ERG: variants seen among roughly 807,000 people sequenced by gnomAD.
ERG encodes the protein ETS transcription factor ERG.
ERG carries 9 observed loss-of-function variants against 55.3 expected under a neutral mutation model. That is an observed-to-expected ratio of 0.16 (90% CI 0.10 to 0.28). The LOEUF is 0.28. Among genes scored for constraint, ERG ranks in the 10% least tolerant of loss-of-function variants. ERG has a pLI of 1.00. For missense variants in ERG, 434 were observed against 631.6 expected (o/e 0.69, Z 3.35); for synonymous variants, 223 against 237.3 (o/e 0.94, Z 0.55).
chr21:38,375,811 G>T (rs1987225612), downstream of ERG, among the ~76,000 whole-genome samples: 1 of 152,112 alleles, frequency 6.6e-6, no homozygotes, highest in Admixed American at 6.5e-5. Flanking sequence ...GGCATCTCTG[G>T]TCTGTTGTGG....
chr21:38,596,462 T>C (rs1426053236), intron 1 of ERG, among the ~76,000 whole-genome samples: 1 of 152,138 alleles, frequency 6.6e-6, no homozygotes, highest in Non-Finnish European at 1.5e-5. Context: ...CTGTGAGTCA[T>C]CTCCACCACA....
intron 2 of ERG, among the ~76,000 whole-genome samples, chr21:38,545,959 C>G (rs2146805838): frequency 6.6e-6 from 1 of 152,352 alleles, no homozygotes; most frequent in East Asian, 1.9e-4. Flanking sequence ...GGGTCCAACT[C>G]CATCCTTCTC....
intron 1 of ERG, among the ~76,000 whole-genome samples, chr21:38,626,330 C>T (rs2060324642): frequency 6.6e-6 from 1 of 152,188 alleles, no homozygotes; most frequent in Non-Finnish European, 1.5e-5. Context: ...TGAGTGTAAT[C>T]CATAGACCAG....
intron 7 of ERG, 168 bp downstream of exon 7, chr21:38,392,208 A>C (rs1988003807): frequency 4.2e-6 from 3 of 713,502 alleles, no homozygotes; most frequent in Non-Finnish European, 7.6e-6. Flanking sequence ...ACCCAAATGG[A>C]GAAAGAATCA....
chr21:38,604,437 T>C (rs2060184815), intron 1 of ERG, among the ~76,000 whole-genome samples: 1 of 152,134 alleles, frequency 6.6e-6, no homozygotes, highest in East Asian at 1.9e-4. Context: ...AAATGTAAAA[T>C]GAAGATAGTT....
chr21:38,631,259 G>A (rs976863308), intron 1 of ERG, among the ~76,000 whole-genome samples: 2 of 152,234 alleles, frequency 1.3e-5, no homozygotes, highest in Admixed American at 1.3e-4. Context: ...TTCCCATTAA[G>A]GTTGTCTTGG....
At chr21:38,412,418 G>C (rs903311048) in intron 3 of ERG, among the ~76,000 whole-genome samples, 1 of 151,912 alleles carries the variant, frequency 6.6e-6, no homozygotes, top group Non-Finnish European at 1.5e-5. Context: ...GCTTATACTT[G>C]AATCATCCAT....
At position 38,382,688 on chromosome 21, in the gene ERG, C is replaced by T. The variant is rs1199082678; in HGVS notation, c.*715G>A. 1 of 1,067,116 alleles carries T rather than the reference C, an allele frequency of 9.4e-7. No individual in the cohort carries two copies. The highest frequency in any genetic ancestry group is 1.1e-6 in the Non-Finnish European group (1 of 880,174). 66.1% of individuals were successfully genotyped at this position (1,067,116 alleles called of 1,614,324 possible). The stretch of plus-strand genomic sequence containing the variant: ...TGGTCTCCTCCTTCTCTGCCTCTTC[C>T]TCCTCCTTCTTCACCCCTCTGTCTA... On this transcript the variant is annotated 3_prime_UTR_variant, in exon 10 of 10. Coordinates refer to ENST00000288319, the MANE Select transcript of ERG (RefSeq NM_182918.4).
chr21:38,471,418 T>C (rs1043076910), intron 1 of ERG: 8 of 152,206 alleles, frequency 5.3e-5, no homozygotes, highest in Admixed American at 1.3e-4. Flanking sequence ...AACCTTCTGT[T>C]GAGAAGAGCA....
intron 2 of ERG, among the ~76,000 whole-genome samples, chr21:38,553,210 C>T (rs2059835930): frequency 6.6e-6 from 1 of 152,122 alleles, no homozygotes; most frequent in Non-Finnish European, 1.5e-5. Flanking sequence ...AATGGAAAAA[C>T]ATTCCATGCC....
At position 38,515,173 on chromosome 21, in the gene ERG, G is replaced by C. The variant is rs146892762; in HGVS notation, c.-41+60489C>G. Reference sequence around the variant, plus strand: ...CAAATTGATCAATAGATTCAATGCAGATGCATTCAATATTTCAACAAAGTT... The same window carrying C: ...CAAATTGATCAATAGATTCAATGCACATGCATTCAATATTTCAACAAAGTT... On this transcript the variant is annotated intron_variant, in intron 2 of 8. Transcript: ENST00000398897. 7.4e-3 allele frequency among the ~76,000 whole-genome samples: 1,126 copies of C among 152,050 alleles called. 7 individuals are homozygous for C. Among genetic ancestry groups the C allele is most frequent in the Middle Eastern group, 0.02 (6 of 294 alleles).
At chr21:38,481,601 A>T (rs1182551764) in intron 1 of ERG, among the ~76,000 whole-genome samples, 3 of 152,228 alleles carry the variant, frequency 2.0e-5, no homozygotes, top group Non-Finnish European at 2.9e-5. Flanking sequence ...AATCTTTATT[A>T]TAAAGCAGAT....
intron 1 of ERG, among the ~76,000 whole-genome samples, chr21:38,488,503 T>C (rs1467565484): frequency 6.6e-6 from 1 of 152,060 alleles, no homozygotes; most frequent in Non-Finnish European, 1.5e-5. Flanking sequence ...TAATTGATGA[T>C]GCCCTATTGT....
chr21:38,419,832 T>C (rs943061753), intron 3 of ERG, among the ~76,000 whole-genome samples: 1 of 152,068 alleles, frequency 6.6e-6, no homozygotes, highest in Non-Finnish European at 1.5e-5. Flanking sequence ...GTTGAGGGAA[T>C]CGCTTCTCAA....
intron 2 of ERG, among the ~76,000 whole-genome samples, chr21:38,437,718 T>G (rs531575173): frequency 6.6e-5 from 10 of 152,290 alleles, no homozygotes; most frequent in Admixed American, 1.3e-4. Flanking sequence ...CTTTTCCTCA[T>G]GCCATATGTC....
chr21:38,404,783 T>C (rs1294781209), intron 3 of ERG, among the ~76,000 whole-genome samples: 1 of 152,228 alleles, frequency 6.6e-6, no homozygotes, highest in Non-Finnish European at 1.5e-5. Flanking sequence ...TCCAGTCCTC[T>C]TGAATGAAAG....
At chr21:38,504,207 T>C (rs2059443307) in intron 2 of ERG, among the ~76,000 whole-genome samples, 1 of 152,218 alleles carries the variant, frequency 6.6e-6, no homozygotes, top group African/African-American at 2.4e-5. Context: ...ACATACCAAA[T>C]CCTCAACTTC....
chr21:38,631,924 C>A (rs1392664425), intron 1 of ERG, among the ~76,000 whole-genome samples: 1 of 152,032 alleles, frequency 6.6e-6, no homozygotes, highest in Non-Finnish European at 1.5e-5. Flanking sequence ...CTGCTTGAAT[C>A]ATCACTCCAT....
At chr21:38,538,826 A>G (rs371760422) in intron 2 of ERG, among the ~76,000 whole-genome samples, 5 of 152,204 alleles carry the variant, frequency 3.3e-5, no homozygotes, top group East Asian at 1.9e-4. Context: ...ATGACCACCA[A>G]GAGAGCTACT....
Sources: gnomAD v4.1 joint callset for allele counts (sites outside exome capture counted in the v4.1 genomes callset) on GRCh38, gnomAD v4.1.1 for gene constraint, MANE v1.5 for transcripts, NCBI Gene and HGNC (gene_info 2026-07-23, HGNC 2026-07-21) for gene names.